Variants in SH3BGRL2 observed in about 807,000 individuals in gnomAD.
The protein encoded by SH3BGRL2 is SH3 domain binding glutamate rich protein like 2.
SH3BGRL2 carries 21 observed loss-of-function variants against 14.8 expected under a neutral mutation model. That is an observed-to-expected ratio of 1.42 (90% CI 1.01 to 2.05). The LOEUF (loss-of-function observed/expected upper bound fraction) is 2.05, where lower values mean the gene tolerates loss of function less well. SH3BGRL2 is among the 30% of genes most tolerant of loss of function. The probability of loss-of-function intolerance (pLI) is 0.00; values close to 1 mark genes in which losing one functional copy is unlikely to be tolerated. For missense variants in SH3BGRL2, 147 were observed against 130.8 expected, an observed-to-expected ratio of 1.12 and a Z score of -0.61; for synonymous variants, 50 against 47.8, an observed-to-expected ratio of 1.05 and a Z score of -0.19.
the SH3BGRL2 span, among the ~76,000 whole-genome samples, chr6:79,559,705 T>TC: frequency 3.9e-5 from 6 of 152,196 alleles, no homozygotes; most frequent in Non-Finnish European, 8.8e-5. Flanking sequence ...ACGTTGATAA[T>TC]CATGCTCTAG....
At chr6:79,537,684 C>A in the SH3BGRL2 span, among the ~76,000 whole-genome samples, 1 of 151,980 alleles carries the variant, frequency 6.6e-6, no homozygotes. Context: ...GCGTCGTGGG[C>A]TCCGAGAGGG....
chr6:79,643,192 A>T (rs955564146), intron 1 of SH3BGRL2, among the ~76,000 whole-genome samples: 4 of 152,206 alleles, frequency 2.6e-5, no homozygotes, highest in Non-Finnish European at 5.9e-5. Context: ...CAGGGTAATT[A>T]AGTAGCATGT....
chr6:79,554,737 A>G, the SH3BGRL2 span, among the ~76,000 whole-genome samples: 1 of 152,184 alleles, frequency 6.6e-6, no homozygotes, highest in Non-Finnish European at 1.5e-5. Context: ...GAAGTTGAAA[A>G]TTGGTACGAG....
At chr6:79,658,104 C>A (rs1769461364) in intron 1 of SH3BGRL2, among the ~76,000 whole-genome samples, 1 of 151,994 alleles carries the variant, frequency 6.6e-6, no homozygotes, top group South Asian at 2.1e-4. Flanking sequence ...TGACACCTGC[C>A]CAAGTTTCAG....
the SH3BGRL2 span, among the ~76,000 whole-genome samples, chr6:79,561,797 T>C: frequency 1.1e-3 from 173 of 152,306 alleles, 3 homozygotes; most frequent in African/African-American, 4.0e-3. Context: ...GGATCACCTA[T>C]GGAAACTTCA....
intron 2 of SH3BGRL2, among the ~76,000 whole-genome samples, chr6:79,685,630 A>AT (rs1000155141): frequency 3.3e-5 from 5 of 152,026 alleles, no homozygotes; most frequent in Admixed American, 3.3e-4. Flanking sequence ...TTGCTAAAGT[A>AT]TATGTCATAC....
chr6:79,639,170 GT>G (rs1402638515), intron 1 of SH3BGRL2, among the ~76,000 whole-genome samples: 1 of 151,972 alleles, frequency 6.6e-6, no homozygotes, highest in Non-Finnish European at 1.5e-5. Context: ...AATGAATTGT[GT>G]TTTTTTCTAT....
intron 1 of SH3BGRL2, among the ~76,000 whole-genome samples, chr6:79,671,407 C>G (rs1769771276): frequency 6.6e-6 from 1 of 152,184 alleles, no homozygotes; most frequent in Non-Finnish European, 1.5e-5. Context: ...CAAGATCACA[C>G]CTTTGCATTC....
intron 1 of SH3BGRL2, among the ~76,000 whole-genome samples, chr6:79,641,153 TG>T (rs1220426884): frequency 1.0e-4 from 3 of 28,758 alleles, no homozygotes; most frequent in Non-Finnish European, 1.6e-4. Flanking sequence ...CACCCTTTTG[TG>T]TGTGTGTGTG....
intron 2 of SH3BGRL2, among the ~76,000 whole-genome samples, chr6:79,684,110 G>A (rs897093877): frequency 3.3e-5 from 5 of 152,152 alleles, no homozygotes; most frequent in Admixed American, 2.0e-4. Context: ...TATTTATTTA[G>A]GGCTAATGGC....
At chr6:79,650,903 TA>T (rs1217985339) in intron 1 of SH3BGRL2, among the ~76,000 whole-genome samples, 1 of 148,860 alleles carries the variant, frequency 6.7e-6, no homozygotes, top group South Asian at 2.1e-4. Context: ...TATAAAAATA[TA>T]TAAGTAATAT....
intron 1 of SH3BGRL2, among the ~76,000 whole-genome samples, chr6:79,667,089 A>G (rs900143301): frequency 6.6e-6 from 1 of 152,242 alleles, no homozygotes; most frequent in South Asian, 2.1e-4. Flanking sequence ...TATGCAGATT[A>G]TATTTAACAG....
the SH3BGRL2 span, among the ~76,000 whole-genome samples, chr6:79,594,375 C>T: frequency 6.6e-6 from 1 of 152,190 alleles, no homozygotes; most frequent in Non-Finnish European, 1.5e-5. Context: ...ATGATATGCA[C>T]TGCACGTATT....
chr6:79,558,192 GAGCCTGCT>G, the SH3BGRL2 span, among the ~76,000 whole-genome samples: 1 of 152,216 alleles, frequency 6.6e-6, no homozygotes, highest in South Asian at 2.1e-4. Context: ...GATGTGTGCA[GAGCCTGCT>G]ACTGAAACTC....
At chr6:79,640,026 C>A (rs1271605056) in intron 1 of SH3BGRL2, among the ~76,000 whole-genome samples, 1 of 152,104 alleles carries the variant, frequency 6.6e-6, no homozygotes, top group Non-Finnish European at 1.5e-5. Flanking sequence ...GGTCCTCCTT[C>A]TAGTTTTAGC....
upstream of SH3BGRL2, among the ~76,000 whole-genome samples, chr6:79,629,600 A>G (rs1028041664): frequency 1.3e-5 from 2 of 151,766 alleles, no homozygotes; most frequent in African/African-American, 4.8e-5. Flanking sequence ...AGCAAAACCA[A>G]CTCCTTGCTG....
chr6:79,674,640 G>C (rs1403459532), intron 2 of SH3BGRL2, among the ~76,000 whole-genome samples: 2 of 152,174 alleles, frequency 1.3e-5, no homozygotes, highest in Non-Finnish European at 2.9e-5. Context: ...GTGGAGGAAA[G>C]GAATAACAGC....
chr6:79,563,595 A>G, the SH3BGRL2 span, among the ~76,000 whole-genome samples: 3 of 152,204 alleles, frequency 2.0e-5, no homozygotes, highest in Middle Eastern at 3.2e-3. Context: ...AAAGTAGCCC[A>G]GGCTAGTCTG....
intron 1 of SH3BGRL2, among the ~76,000 whole-genome samples, chr6:79,666,579 A>G (rs1030088637): frequency 2.0e-5 from 3 of 152,140 alleles, no homozygotes; most frequent in Non-Finnish European, 4.4e-5. Flanking sequence ...CAATCACTGG[A>G]AAGTTCCTGA....
Sources: gnomAD v4.1 joint callset for allele counts (sites outside exome capture counted in the v4.1 genomes callset) on GRCh38, gnomAD v4.1.1 for gene constraint, MANE v1.5 for transcripts, NCBI Gene and HGNC (gene_info 2026-07-23, HGNC 2026-07-21) for gene names.